Variants in GYG2 observed in about 807,000 individuals in gnomAD.
The protein encoded by GYG2 is glycogenin-2.
Under a neutral mutation model 29.4 loss-of-function variants are expected in GYG2, and 29 were observed. The observed-to-expected ratio is 0.99, with a 90% CI of 0.74 to 1.35. The LOEUF (loss-of-function observed/expected upper bound fraction) is 1.35, where lower values mean the gene tolerates loss of function less well. GYG2 is among the 40% of genes most tolerant of loss of function. The probability of loss-of-function intolerance (pLI) is 0.00; values close to 1 mark genes in which losing one functional copy is unlikely to be tolerated. For missense variants in GYG2, 370 were observed against 385.7 expected, an observed-to-expected ratio of 0.96 and a Z score of 0.34; for synonymous variants, 167 against 172.3, an observed-to-expected ratio of 0.97 and a Z score of 0.24.
chrX:2,857,565 T>G (rs746270210), intron 6 of GYG2, among the ~76,000 whole-genome samples: 5 of 111,049 alleles, frequency 4.5e-5, no homozygotes, highest in Non-Finnish European at 9.4e-5. Flanking sequence ...TCTATATAGA[T>G]CTATGTATCT....
chrX:2,873,035 G>C (rs1007651370), intron 8 of GYG2, among the ~76,000 whole-genome samples: 1 of 112,055 alleles, frequency 8.9e-6, no homozygotes, highest in African/African-American at 3.2e-5. Context: ...TCTCTCACTT[G>C]CTAGTTCTCG....
intron 2 of GYG2, among the ~76,000 whole-genome samples, chrX:2,838,492 C>A (rs1420027108): frequency 1.0e-4 from 5 of 48,685 alleles, no homozygotes; most frequent in Non-Finnish European, 1.8e-4. Flanking sequence ...TTTTCTTTTT[C>A]TTTCTCTTTT....
At chrX:2,829,285 A>G (rs2087202217) in intron 1 of GYG2, 1 of 88,162 alleles carries the variant, frequency 1.1e-5, no homozygotes, top group Non-Finnish European at 2.2e-5. Flanking sequence ...GCGCCGAGCC[A>G]GGGCACCGAG....
chrX:2,848,363 A>AC (rs1365720306), intron 3 of GYG2, among the ~76,000 whole-genome samples: 1 of 110,365 alleles, frequency 9.1e-6, no homozygotes, highest in South Asian at 3.9e-4. Flanking sequence ...ACATGGTGAA[A>AC]CCCCGTCTTT....
At chrX:2,848,299 G>T (rs2087788428) in intron 3 of GYG2, among the ~76,000 whole-genome samples, 1 of 111,276 alleles carries the variant, frequency 9.0e-6, no homozygotes, top group South Asian at 3.8e-4. Flanking sequence ...AGCACTTTGG[G>T]AGACTGAGGT....
chrX:2,839,639 C>T (rs1234517303), intron 2 of GYG2, among the ~76,000 whole-genome samples: 3 of 110,738 alleles, frequency 2.7e-5, no homozygotes, highest in Non-Finnish European at 5.7e-5. Flanking sequence ...GGAGATACTC[C>T]TTAATGAGTG....
At chrX:2,847,912 C>G (rs890666471) in intron 3 of GYG2, among the ~76,000 whole-genome samples, 2 of 111,482 alleles carry the variant, frequency 1.8e-5, no homozygotes, top group Non-Finnish European at 3.8e-5. Context: ...CGTCCCTGGG[C>G]TCCGCCCACC....
intron 2 of GYG2, among the ~76,000 whole-genome samples, chrX:2,839,949 C>G (rs973846142): frequency 8.9e-6 from 1 of 111,993 alleles, no homozygotes; most frequent in Non-Finnish European, 1.9e-5. Context: ...TGAGAATGTC[C>G]TCGGATTGCC....
rs773598387 is a variant in GYG2 at position 2,875,871 on chromosome X, C to T, written c.1100C>T (p.Pro367Leu). The T allele has an allele frequency of 1.7e-6, 2 of 1,190,588 alleles. No individual in the cohort carries two copies. Among genetic ancestry groups the T allele is most frequent in the African/African-American group, 3.5e-5 (2 of 56,393 alleles). The change falls in exon 9 of 11, where the codon CCT (proline) becomes CTT (leucine). Residue 367 changes from proline to leucine, a missense_variant. Coordinates refer to ENST00000398806, the MANE Select transcript of GYG2 (RefSeq NM_001079855.2). The stretch of plus-strand genomic sequence containing the variant: ...ATAACGTGTGACCCACTGTCCCAGC[C>T]TTCCCCTCAGCCTGCAGACTTCACA... ...AVITCDPLSQ[P>L]SPQPADFTET...
chrX:2,877,610 G>T, intron 10 of GYG2: 1 of 753,698 alleles, frequency 1.3e-6, no homozygotes, highest in Non-Finnish European at 1.6e-6. Context: ...TTAATGCGTA[G>T]CAATCCATTT....
At position 2,855,197 on chromosome X, in the gene GYG2, A is replaced by G. The variant is rs775977282; in HGVS notation, c.487+42A>G. 4 of 1,118,663 alleles carry G rather than the reference A, an allele frequency of 3.6e-6. No homozygotes were observed. In the African/African-American group the frequency reaches 7.2e-5, roughly 20 times the overall value. 92.2% of individuals were successfully genotyped at this position (1,118,663 alleles called of 1,213,427 possible). ...CGGACGCTTAGGGTCTCTGTTGCACACACTCAACTCTGCAGATGTAACACG... is the reference window on the plus strand; with the variant it reads ...CGGACGCTTAGGGTCTCTGTTGCACGCACTCAACTCTGCAGATGTAACACG... On this transcript the variant is annotated intron_variant, in intron 5 of 10. Transcript: ENST00000398806.
chrX:2,860,918 C>T (rs1006131451), intron 7 of GYG2, among the ~76,000 whole-genome samples: 6 of 109,970 alleles, frequency 5.5e-5, no homozygotes, highest in African/African-American at 2.0e-4. Flanking sequence ...TTAGTGGAGA[C>T]GGGGTTTTGC....
At chrX:2,838,046 A>C (rs1041881910) in intron 2 of GYG2, among the ~76,000 whole-genome samples, 1 of 110,737 alleles carries the variant, frequency 9.0e-6, no homozygotes, top group African/African-American at 3.3e-5. Context: ...AAAAAAATTA[A>C]ATTAAATGAA....
At chrX:2,871,120 C>T (rs1190123732) in intron 8 of GYG2, among the ~76,000 whole-genome samples, 1 of 109,595 alleles carries the variant, frequency 9.1e-6, no homozygotes, top group Admixed American at 9.9e-5. Context: ...TTTGTGATGA[C>T]CAGTCTATTT....
chrX:2,843,117 C>A (rs757676908), intron 2 of GYG2, 96 bp from the exon 3 acceptor site: 3 of 738,976 alleles, frequency 4.1e-6, no homozygotes, highest in Non-Finnish European at 6.4e-6. Flanking sequence ...CTGGCCCAAG[C>A]CATGAATCTT....
rs1487914452 is a variant in GYG2, at chrX:2,842,291, C to T, written c.8-922C>T. Among the ~76,000 whole-genome samples the T allele has an allele frequency of 3.0e-4, 33 of 109,494 alleles. No homozygotes were observed. The Admixed American group carries it at 3.3e-3, about 11-fold the overall frequency. On this transcript the variant is annotated intron_variant, in intron 2 of 10. Coordinates refer to ENST00000398806, the MANE Select transcript of GYG2 (RefSeq NM_001079855.2). ...CTCTTTGCAGCCTTGACCTCCTGTGCTCAAGCGATCCGCCTGCCTCAGCCT... is the reference window on the plus strand; with the variant it reads ...CTCTTTGCAGCCTTGACCTCCTGTGTTCAAGCGATCCGCCTGCCTCAGCCT...
chrX:2,834,806 G>C (rs182469010), intron 2 of GYG2, among the ~76,000 whole-genome samples: 2 of 112,229 alleles, frequency 1.8e-5, no homozygotes, highest in Admixed American at 1.9e-4. Context: ...TAGCACTGTG[G>C]ACTGGGATAA....
rs2087926385 is a variant in GYG2 at position 2,854,117 on chromosome X, A to G, written c.287A>G (p.His96Arg). 8.3e-7 allele frequency: 1 copy of G among 1,203,608 alleles called. No individual in the cohort carries two copies. Among genetic ancestry groups the G allele is most frequent in the East Asian group, 3.0e-5 (1 of 33,698 alleles). The change falls in exon 4 of 11, where the codon CAC becomes CGC. Residue 96 changes from histidine to arginine, a missense_variant. Transcript: ENST00000398806. Reference sequence around the variant, plus strand: ...AAGCTTCACTGTTGGACTCTCACTCACTACAGCAAGTGTGTCTTCCTGGAT... The same window carrying G: ...AAGCTTCACTGTTGGACTCTCACTCGCTACAGCAAGTGTGTCTTCCTGGAT... ...LTKLHCWTLTHYSKCVFLDAD... is the reference protein window; with the variant it reads ...LTKLHCWTLTRYSKCVFLDAD...
intron 3 of GYG2, among the ~76,000 whole-genome samples, chrX:2,847,884 C>G (rs7891946): frequency 0.058 from 6,443 of 111,767 alleles, 467 homozygotes; most frequent in African/African-American, 0.2. Flanking sequence ...GTCCTGTGTA[C>G]TGCAGGGTGT....
Sources: allele counts gnomAD v4.1 joint callset (sites outside exome capture counted in the v4.1 genomes callset), GRCh38; gene constraint gnomAD v4.1.1; transcripts MANE v1.5; gene names NCBI Gene and HGNC (gene_info 2026-07-23, HGNC 2026-07-21).